The following BCAP31 variants were observed in gnomAD, a reference collection of about 807,000 sequenced individuals.
BCAP31 encodes B-cell receptor-associated protein 31.
For missense variants in BCAP31, 124 were observed against 193.0 expected (o/e 0.64, Z 2.12); for synonymous variants, 75 against 80.9 (o/e 0.93, Z 0.39).
intron 4 of BCAP31, among the ~76,000 whole-genome samples, chrX:153,707,970 T>C (rs1315123792): frequency 8.9e-6 from 1 of 112,961 alleles, no homozygotes; most frequent in Non-Finnish European, 1.9e-5. Flanking sequence ...CTTACCCGAA[T>C]CACTGTTCTT....
chrX:153,704,684 C>T (rs1281014571), intron 4 of BCAP31: 4 of 112,901 alleles, frequency 3.5e-5, no homozygotes, highest in Non-Finnish European at 5.6e-5. Context: ...AACCTGAGCT[C>T]GGAACCACTC....
At chrX:153,712,182 G>A (rs2091596242) in intron 4 of BCAP31, among the ~76,000 whole-genome samples, 1 of 111,017 alleles carries the variant, frequency 9.0e-6, no homozygotes, top group Admixed American at 9.6e-5. Flanking sequence ...AGCACTTTGG[G>A]AGGATGAGGT....
intron 4 of BCAP31, chrX:153,704,810 T>C (rs781858065): frequency 8.9e-6 from 1 of 111,930 alleles, no homozygotes; most frequent in East Asian, 2.8e-4. Context: ...ACATCCGTTA[T>C]GTAACAGCAC....
chrX:153,704,159 C>T (rs1307180018), intron 4 of BCAP31, 65 bp from the exon 5 acceptor site: 1 of 1,101,615 alleles, frequency 9.1e-7, no homozygotes, highest in Non-Finnish European at 1.2e-6. Context: ...GCAGGAGCAC[C>T]TCCTGGTTGC....
chrX:153,715,530 C>T lies in BCAP31; in HGVS notation c.341+12G>A. On this transcript the variant is annotated intron_variant, in intron 4 of 7. Transcript: ENST00000345046. ...CCTTTCACAGCACCTGCCCCCTCAA[C>T]CCCCCACTCACAAGGACAGCAGCAA... 1.7e-6 allele frequency: 2 copies of T among 1,209,639 alleles called. No homozygotes were observed. The highest frequency in any genetic ancestry group is 2.2e-6 in the Non-Finnish European group (2 of 894,077).
At chrX:153,723,765 C>A in intron 1 of BCAP31, 1 of 993,778 alleles carries the variant, frequency 1.0e-6, no homozygotes, top group Non-Finnish European at 1.3e-6. Context: ...GCACCTAGTC[C>A]AAGCGCTGCC....
chrX:153,705,804 C>T (rs2091550652), intron 4 of BCAP31, among the ~76,000 whole-genome samples: 1 of 111,901 alleles, frequency 8.9e-6, no homozygotes, highest in Admixed American at 9.4e-5. Flanking sequence ...GGGGGTCATG[C>T]CACCTGGTGG....
rs1314668812 is a variant in BCAP31 at position 153,708,030 on chromosome X, T to A, written c.342-3936A>T. On this transcript the variant is annotated intron_variant, in intron 4 of 7. Coordinates refer to ENST00000345046, the MANE Select transcript of BCAP31 (RefSeq NM_001256447.2). ...AAAGAACCTAAGAGCCAAAGGCAAC[T>A]CCTACAGATACAGGGTGGTCACCAA... is the stretch of plus-strand genomic sequence containing the variant. 7.1e-5 allele frequency among the ~76,000 whole-genome samples: 8 copies of A among 112,548 alleles called. No homozygotes were observed. In the Admixed American group the frequency reaches 7.5e-4, roughly 11 times the overall value.
intron 1 of BCAP31, 124 bp downstream of exon 1, chrX:153,724,210 G>A (rs1207562804): frequency 4.7e-6 from 1 of 213,711 alleles, no homozygotes; most frequent in Non-Finnish European, 8.6e-6. Context: ...CACGCAGGTA[G>A]GCTGCGGGCC....
chrX:153,703,179 G>A lies in BCAP31; in HGVS notation c.478-121C>T. On this transcript the variant is annotated intron_variant, in intron 5 of 7. Coordinates refer to ENST00000345046, the MANE Select transcript of BCAP31 (RefSeq NM_001256447.2). ...CCTGGCCACACGCCCCTTCGGAAAT[G>A]TCAACGCGGAACCGAGCCACCACTT... is the stretch of plus-strand genomic sequence containing the variant. 8 of 1,006,282 alleles carry A rather than the reference G, an allele frequency of 8.0e-6. No homozygotes were observed. In the South Asian group the frequency reaches 1.5e-4, roughly 19 times the overall value. 82.9% of individuals were successfully genotyped at this position (1,006,282 alleles called of 1,213,427 possible). A position where few individuals can be genotyped will look rare whatever the true frequency, so the allele number is the denominator to read the frequency against.
chrX:153,721,740 A>T (rs1012248323), intron 2 of BCAP31, among the ~76,000 whole-genome samples: 4 of 106,792 alleles, frequency 3.7e-5, no homozygotes, highest in African/African-American at 1.0e-4. Context: ...ATATATATAT[A>T]AAAAAAAATT....
At chrX:153,704,180 C>G in intron 4 of BCAP31, 86 bp from the exon 5 acceptor site, 1 of 1,017,050 alleles carries the variant, frequency 9.8e-7, no homozygotes, top group Non-Finnish European at 1.3e-6. Flanking sequence ...TCCCACTCCA[C>G]ACCTAGCTCC....
At position 153,712,412 on chromosome X, in the gene BCAP31, AAATAAAT is replaced by A. The variant is rs782319787; in HGVS notation, c.341+3123_341+3129del. On this transcript the variant is annotated intron_variant, in intron 4 of 7. Transcript: ENST00000345046. ...AGCGAGACCTTGTCTCAAAAAAAAT[AAATAAAT>A]AAATAAATAAATAAATAAATATGCT... Among the ~76,000 whole-genome samples, 126 of 88,883 alleles carry A rather than the reference AAATAAAT, an allele frequency of 1.4e-3. 3 individuals are homozygous for A. Among genetic ancestry groups the A allele is most frequent in the Non-Finnish European group, 2.2e-3 (110 of 49,112 alleles). 77.2% of individuals were successfully genotyped at this position (88,883 alleles called of 115,157 possible). A position where few individuals can be genotyped will look rare whatever the true frequency, so the allele number is the denominator to read the frequency against.
At chrX:153,712,109 GACACTCAAGA>G (rs1258619590) in intron 4 of BCAP31, among the ~76,000 whole-genome samples, 8 of 110,785 alleles carry the variant, frequency 7.2e-5, no homozygotes, top group Admixed American at 6.7e-4. Flanking sequence ...GAATTGGGTA[GACACTCAAGA>G]ACACTCAAGA....
At chrX:153,704,923 C>G (rs1387380634) in intron 4 of BCAP31, 3 of 112,143 alleles carry the variant, frequency 2.7e-5, no homozygotes, top group Admixed American at 9.4e-5. Flanking sequence ...CAGGTGGCAG[C>G]TGGAGGCAGA....
At chrX:153,702,470 G>A in intron 6 of BCAP31, 1 of 190,110 alleles carries the variant, frequency 5.3e-6, no homozygotes, top group Non-Finnish European at 9.6e-6. Context: ...CTTGCACACA[G>A]CAGCAGCAGG....
intron 1 of BCAP31, chrX:153,723,887 G>A: frequency 1.9e-6 from 1 of 522,877 alleles, no homozygotes; most frequent in East Asian, 3.7e-5. Context: ...TGGGCTGGAG[G>A]CCCGCAAGAG....
intron 4 of BCAP31, 182 bp downstream of exon 4, chrX:153,715,360 C>T (rs957652215): frequency 4.8e-6 from 3 of 627,478 alleles, no homozygotes; most frequent in Middle Eastern, 5.3e-4. Flanking sequence ...ACTCTCCACG[C>T]TGCCTCTGGA....
At chrX:153,718,499 T>C (rs1557050481) in intron 3 of BCAP31, among the ~76,000 whole-genome samples, 2 of 110,411 alleles carry the variant, frequency 1.8e-5, no homozygotes, top group Admixed American at 1.9e-4. Context: ...ATAAATACTT[T>C]GTGTGTATGA....
Sources: gnomAD v4.1 joint callset for allele counts (sites outside exome capture counted in the v4.1 genomes callset) on GRCh38, gnomAD v4.1.1 for gene constraint, MANE v1.5 for transcripts, NCBI Gene and HGNC (gene_info 2026-07-23, HGNC 2026-07-21) for gene names.